ERC2: variants seen among roughly 807,000 people sequenced by gnomAD.
The protein encoded by ERC2 is ERC protein 2.
Under a neutral mutation model 114.8 loss-of-function variants are expected in ERC2, and 42 were observed. The ratio of observed to expected loss-of-function variants is 0.37; its 90% CI spans 0.29 to 0.47. The LOEUF (loss-of-function observed/expected upper bound fraction) is 0.47. Ranked by LOEUF, ERC2 falls within the 20% of genes least tolerant of loss-of-function variation. The pLI is 0.99. For missense variants in ERC2, 939 were observed against 1,150.7 expected (o/e 0.82, Z 2.66); for synonymous variants, 454 against 425.5 (o/e 1.07, Z -0.82).
At chr3:56,044,899 G>A (rs772309465) in intron 7 of ERC2, among the ~76,000 whole-genome samples, 18 of 152,230 alleles carry the variant, frequency 1.2e-4, no homozygotes, top group East Asian at 3.9e-4. Flanking sequence ...ACCCTACATC[G>A]TTATTTGCAG....
At chr3:55,841,870 C>T (rs1363419198) in intron 14 of ERC2, among the ~76,000 whole-genome samples, 1 of 152,168 alleles carries the variant, frequency 6.6e-6, no homozygotes, top group South Asian at 2.1e-4. Flanking sequence ...AGAGCCCAAC[C>T]TCTTAATTGC....
At chr3:56,016,839 C>CTA (rs2073344778) in intron 8 of ERC2, among the ~76,000 whole-genome samples, 1 of 151,908 alleles carries the variant, frequency 6.6e-6, no homozygotes, top group African/African-American at 2.4e-5. Flanking sequence ...TGGGACTGGC[C>CTA]CCTAGGTCTC....
chr3:55,572,437 AAAG>A (rs1270975642), intron 17 of ERC2, among the ~76,000 whole-genome samples: 1 of 152,242 alleles, frequency 6.6e-6, no homozygotes. Context: ...TAGGCAACAA[AAAG>A]AAGGAGCTGA....
intron 6 of ERC2, 49 bp downstream of exon 6, chr3:56,139,460 C>T: frequency 6.4e-7 from 1 of 1,563,706 alleles, no homozygotes; most frequent in Non-Finnish European, 8.7e-7. Flanking sequence ...AGGGCAATTT[C>T]TATCAATTCA....
At chr3:56,368,183 T>A (rs1461110386) in intron 2 of ERC2, among the ~76,000 whole-genome samples, 2 of 85,756 alleles carry the variant, frequency 2.3e-5, no homozygotes, top group Non-Finnish European at 6.0e-5. Context: ...TTCTTTTTTT[T>A]TTAAAAAAAA....
intron 3 of ERC2, among the ~76,000 whole-genome samples, chr3:56,217,284 T>C (rs866031004): frequency 1.1e-4 from 17 of 152,238 alleles, no homozygotes; most frequent in Admixed American, 2.6e-4. Context: ...TAAGCAACTT[T>C]AGCAAAGTCT....
intron 3 of ERC2, among the ~76,000 whole-genome samples, chr3:56,197,187 C>T (rs2048158747): frequency 6.6e-6 from 1 of 152,142 alleles, no homozygotes; most frequent in Admixed American, 6.5e-5. Context: ...CAAAATCTGG[C>T]TCCTCTCATT....
At position 56,451,680 on chromosome 3, in the gene ERC2, A is replaced by T. The variant is rs2062834366; in HGVS notation, c.-140-16533T>A. ...AGTCAAATCTCTTGTCTATGAATGG[A>T]TAATGGTAGGCTTATCTAACATAAA... On this transcript the variant is annotated intron_variant, in intron 1 of 17. Coordinates refer to ENST00000288221, the MANE Select transcript of ERC2 (RefSeq NM_015576.3). Among the ~76,000 whole-genome samples the T allele has an allele frequency of 2.0e-5, 3 of 152,264 alleles. No individual in the cohort carries two copies. In the South Asian group the frequency reaches 6.2e-4, roughly 32 times the overall value.
chr3:55,679,093 T>C (rs1014430362), intron 17 of ERC2, among the ~76,000 whole-genome samples: 2 of 152,244 alleles, frequency 1.3e-5, no homozygotes, highest in African/African-American at 2.4e-5. Flanking sequence ...TAAACTCCTC[T>C]GATGTCTGCT....
At chr3:56,398,561 T>C (rs1007185187) in intron 2 of ERC2, among the ~76,000 whole-genome samples, 1 of 152,110 alleles carries the variant, frequency 6.6e-6, no homozygotes, top group African/African-American at 2.4e-5. Context: ...TATATATACA[T>C]ATATATGTCA....
intron 14 of ERC2, among the ~76,000 whole-genome samples, chr3:55,803,141 C>T (rs2059368086): frequency 6.6e-6 from 1 of 152,098 alleles, no homozygotes; most frequent in Non-Finnish European, 1.5e-5. Flanking sequence ...TGCACAATAG[C>T]CTGCAATTTC....
At chr3:56,234,373 T>G (rs2050810312) in intron 3 of ERC2, among the ~76,000 whole-genome samples, 2 of 152,330 alleles carry the variant, frequency 1.3e-5, no homozygotes, top group South Asian at 4.1e-4. Context: ...TTCAGTGGGT[T>G]TTTTTATAAG....
At chr3:56,058,424 C>A (rs2076103589) in intron 7 of ERC2, among the ~76,000 whole-genome samples, 1 of 152,190 alleles carries the variant, frequency 6.6e-6, no homozygotes, top group Admixed American at 6.5e-5. Context: ...CTGCCACCAC[C>A]CCAATCACTT....
intron 14 of ERC2, among the ~76,000 whole-genome samples, chr3:55,789,244 C>T (rs2069778976): frequency 6.6e-6 from 1 of 152,194 alleles, no homozygotes; most frequent in South Asian, 2.1e-4. Flanking sequence ...AAGCAGAACC[C>T]CCTAAAAGAG....
chr3:56,128,498 C>CAT (rs1488732304), intron 6 of ERC2, among the ~76,000 whole-genome samples: 4 of 152,216 alleles, frequency 2.6e-5, no homozygotes, highest in African/African-American at 9.6e-5. Flanking sequence ...CTCACACACA[C>CAT]ACATACATAC....
chr3:56,127,732 A>G (rs1289006114), intron 6 of ERC2, among the ~76,000 whole-genome samples: 1 of 152,082 alleles, frequency 6.6e-6, no homozygotes, highest in East Asian at 1.9e-4. Context: ...CAAAAGAAAA[A>G]AAAAAAAAAA....
At chr3:56,168,917 G>C (rs576512315) in intron 4 of ERC2, among the ~76,000 whole-genome samples, 5 of 152,152 alleles carry the variant, frequency 3.3e-5, no homozygotes, top group Non-Finnish European at 7.3e-5. Context: ...CAGCAACTTA[G>C]TGGAGCTCAG....
At position 56,229,862 on chromosome 3, in the gene ERC2, C is replaced by CTTTTTTTTTT. The variant is rs34357962; in HGVS notation, c.1075-56352_1075-56343dup. Among the ~76,000 whole-genome samples the CTTTTTTTTTT allele has an allele frequency of 3.4e-4, 19 of 56,632 alleles. 5 individuals carry two copies. The highest frequency in any genetic ancestry group is 6.1e-4 in the East Asian group (1 of 1,650). The allele number at this position is 56,632 out of a possible 152,430, so 37.2% of individuals were successfully genotyped here. On this transcript the variant is annotated intron_variant, in intron 3 of 17. Transcript: ENST00000288221. ...TTTTCTCCTTTGGCAAATATCTAGT[C>CTTTTTTTTTT]TTTTTTTTTTTTTTTTTTTTTTTTT...
chr3:55,724,829 G>A (rs1298348404), intron 15 of ERC2, among the ~76,000 whole-genome samples: 2 of 152,140 alleles, frequency 1.3e-5, no homozygotes, highest in African/African-American at 4.8e-5. Context: ...GCTCCCTGGT[G>A]GCCAACATCT....
Sources: gnomAD v4.1 joint callset for allele counts (sites outside exome capture counted in the v4.1 genomes callset) on GRCh38, gnomAD v4.1.1 for gene constraint, MANE v1.5 for transcripts, NCBI Gene and HGNC (gene_info 2026-07-23, HGNC 2026-07-21) for gene names.